The following YIPF6 variants were observed in gnomAD, a reference collection of about 807,000 sequenced individuals.
The protein encoded by YIPF6 is Yip1 domain family member 6, also known as protein YIPF6.
Under a neutral mutation model 16.8 loss-of-function variants are expected in YIPF6, and 3 were observed. The ratio of observed to expected loss-of-function variants is 0.18; its 90% CI spans 0.08 to 0.46. YIPF6 has a LOEUF of 0.46. Ranked by LOEUF, YIPF6 falls within the 20% of genes least tolerant of loss-of-function variation. The pLI is 0.98. For synonymous variants in YIPF6, 67 were observed against 61.9 expected (o/e 1.08, Z -0.38); for missense variants, 145 against 184.9 (o/e 0.78, Z 1.25).
chrX:68,531,933 T>C lies in YIPF6; in HGVS notation c.645T>C (p.Ala215=). 4 of 1,203,018 alleles carry C rather than the reference T, an allele frequency of 3.3e-6. No homozygotes were observed. Among genetic ancestry groups the C allele is most frequent in the Non-Finnish European group, 4.5e-6 (4 of 889,983 alleles). ...DSQPPNRRAL[A]VYPVFLFYFV... ...AGCCTCCAAACCGCAGAGCCCTAGC[T>C]GTTTATCCTGTTTTCCTGTTTTACT... Residue 215 remains alanine, a synonymous_variant, in exon 7 of 7, where the codon GCT becomes GCC. Transcript: ENST00000462683.
chrX:68,522,595 C>T (rs765717518), intron 5 of YIPF6, among the ~76,000 whole-genome samples, 165 bp from the exon 6 acceptor site: 11 of 111,067 alleles, frequency 9.9e-5, no homozygotes, highest in African/African-American at 3.3e-4. Flanking sequence ...CGTGAGCCAT[C>T]GCGCCCAGCC....
intron 6 of YIPF6, among the ~76,000 whole-genome samples, chrX:68,525,310 C>T (rs2079143172): frequency 8.9e-6 from 1 of 112,006 alleles, no homozygotes; most frequent in African/African-American, 3.2e-5. Flanking sequence ...CTGTTCATAT[C>T]CTTCGCCCAC....
rs139418734 is a variant in YIPF6 at position 68,522,933 on chromosome X, T to C, written c.592+16T>C. 359 of 1,206,195 alleles carry C rather than the reference T, an allele frequency of 3.0e-4. 4 individuals carry two copies. In the East Asian group the frequency reaches 0.011, roughly 36 times the overall value. On this transcript the variant is annotated intron_variant, in intron 6 of 6. Coordinates refer to ENST00000462683, the MANE Select transcript of YIPF6 (RefSeq NM_173834.4). The stretch of plus-strand genomic sequence containing the variant: ...TCTATAGTTGGTAAGTATGTACTTA[T>C]TTCCACAATAACAGAACAGACAAAA...
At chrX:68,506,703 A>G (rs954926411) in intron 1 of YIPF6, among the ~76,000 whole-genome samples, 1 of 111,369 alleles carries the variant, frequency 9.0e-6, no homozygotes, top group African/African-American at 3.3e-5. Context: ...TTGTCTCTAA[A>G]AAAAAACAAT....
intron 2 of YIPF6, among the ~76,000 whole-genome samples, chrX:68,513,005 C>G (rs1403904305): frequency 9.0e-6 from 1 of 111,334 alleles, no homozygotes; most frequent in Admixed American, 9.7e-5. Flanking sequence ...TGTAGAGCAG[C>G]TTTTTATAGT....
intron 1 of YIPF6, among the ~76,000 whole-genome samples, chrX:68,509,224 T>G (rs1160222981): frequency 9.1e-6 from 1 of 109,334 alleles, no homozygotes; most frequent in Non-Finnish European, 1.9e-5. Flanking sequence ...ATCCTCCCAC[T>G]TTAGCCTCCT....
intron 4 of YIPF6, 68 bp downstream of exon 4, chrX:68,518,880 T>C: frequency 9.8e-7 from 1 of 1,017,334 alleles, no homozygotes; most frequent in South Asian, 2.4e-5. Flanking sequence ...TTTCCAAAAT[T>C]GTGGGGGATT....
At chrX:68,525,417 T>C (rs762812070) in intron 6 of YIPF6, among the ~76,000 whole-genome samples, 98 of 112,311 alleles carry the variant, frequency 8.7e-4, no homozygotes, top group Non-Finnish European at 1.7e-3. Flanking sequence ...GCAAAAATTT[T>C]TTCCCATTCT....
At chrX:68,520,367 G>A (rs2079120979) in intron 4 of YIPF6, among the ~76,000 whole-genome samples, 1 of 112,623 alleles carries the variant, frequency 8.9e-6, no homozygotes, top group African/African-American at 3.2e-5. Flanking sequence ...TTAAGTGGTT[G>A]TTCAACTACT....
chrX:68,511,831 T>C lies in YIPF6; in HGVS notation c.58-18T>C, dbSNP rs1450493369. 2.5e-6 allele frequency: 3 copies of C among 1,186,500 alleles called. No individual in the cohort carries two copies. Among genetic ancestry groups the C allele is most frequent in the East Asian group, 3.0e-5 (1 of 33,442 alleles). ...CAGTTTATTACAGGCTTACTTTTTT[T>C]CCCCTGACTCTTCTCAGTTTGCAGG... On this transcript the variant is annotated intron_variant, in intron 1 of 6. Coordinates refer to ENST00000462683, the MANE Select transcript of YIPF6 (RefSeq NM_173834.4).
At chrX:68,506,287 A>G (rs1163544395) in intron 1 of YIPF6, among the ~76,000 whole-genome samples, 1 of 111,129 alleles carries the variant, frequency 9.0e-6, no homozygotes, top group Non-Finnish European at 1.9e-5. Context: ...TACACCTTCA[A>G]CAATTATCTA....
At chrX:68,514,295 T>C (rs1460942193) in intron 3 of YIPF6, 1 of 106,598 alleles carries the variant, frequency 9.4e-6, no homozygotes, top group Non-Finnish European at 1.9e-5. Context: ...TACTACAAAA[T>C]ACATTTCTGG....
chrX:68,518,808 G>A lies in YIPF6; in HGVS notation c.304G>A (p.Ala102Thr). Reference sequence around the variant, plus strand: ...CCCTTTGATCCTTTGTGTGACACTCGCATTGTAAGTACTTGCATTTTCTTT... The same window carrying A: ...CCCTTTGATCCTTTGTGTGACACTCACATTGTAAGTACTTGCATTTTCTTT... ...WGPLILCVTL[A>T]LMLQRDSADS... Residue 102 changes from alanine (A) to threonine (T), a missense_variant, in exon 4 of 7, where the codon GCA becomes ACA. Transcript: ENST00000462683. The A allele has an allele frequency of 8.5e-7, 1 of 1,177,087 alleles. No homozygotes were observed. Among genetic ancestry groups the A allele is most frequent in the Non-Finnish European group, 1.1e-6 (1 of 882,478 alleles).
chrX:68,501,160 A>G (rs1404178648), intron 1 of YIPF6, among the ~76,000 whole-genome samples: 1 of 112,087 alleles, frequency 8.9e-6, no homozygotes, highest in Non-Finnish European at 1.9e-5. Context: ...GCCTGCCTCT[A>G]TGGTGCTACC....
Position 68,522,551 on chromosome X carries a change from C to A in YIPF6, c.435-209C>A, listed in dbSNP as rs192048538. Among the ~76,000 whole-genome samples, 474 of 110,535 alleles carry A rather than the reference C, an allele frequency of 4.3e-3. 2 individuals are homozygous for A. Among genetic ancestry groups the A allele is most frequent in the African/African-American group, 0.015 (450 of 30,367 alleles). On this transcript the variant is annotated intron_variant, in intron 5 of 6. Transcript: ENST00000462683. ...TCTGACCTCAGGTGATCCACCCCCC[C>A]ACCCTTGGCCTCCCAAAGTGTTGGT...
At chrX:68,519,724 T>A (rs1027682228) in intron 4 of YIPF6, among the ~76,000 whole-genome samples, 5 of 110,684 alleles carry the variant, frequency 4.5e-5, no homozygotes, top group African/African-American at 1.6e-4. Flanking sequence ...TAACCCTTTA[T>A]GGGTCTAAAT....
Position 68,499,930 on chromosome X carries a change from G to T in YIPF6, c.57+807G>T, listed in dbSNP as rs972633283. On this transcript the variant is annotated intron_variant, in intron 1 of 6. Transcript: ENST00000462683. ...GTTGGGATTACAGGCGTGAGCCACT[G>T]TGCCCGGCCATCTTCACTATACTCT... is the stretch of plus-strand genomic sequence containing the variant. Among the ~76,000 whole-genome samples the T allele has an allele frequency of 1.3e-4, 15 of 112,366 alleles. 1 individual carries two copies. The highest frequency in any genetic ancestry group is 4.8e-4 in the African/African-American group (15 of 30,997).
chrX:68,515,800 G>A (rs1405349921), intron 3 of YIPF6, among the ~76,000 whole-genome samples: 1 of 110,873 alleles, frequency 9.0e-6, no homozygotes, highest in Non-Finnish European at 1.9e-5. Flanking sequence ...TCCCATGCCC[G>A]GAGCCTGTGC....
intron 3 of YIPF6, 130 bp downstream of exon 3, chrX:68,513,535 G>A (rs960112352): frequency 6.8e-5 from 24 of 354,904 alleles, no homozygotes; most frequent in Non-Finnish European, 1.1e-4. Context: ...ATATGTAAAC[G>A]AATATGTAAA....
Sources: gnomAD v4.1 joint callset for allele counts (sites outside exome capture counted in the v4.1 genomes callset) on GRCh38, gnomAD v4.1.1 for gene constraint, MANE v1.5 for transcripts, NCBI Gene and HGNC (gene_info 2026-07-23, HGNC 2026-07-21) for gene names.